Variants in BTBD10 observed in about 807,000 individuals in gnomAD.
BTBD10 encodes the protein BTB/POZ domain-containing protein 10.
A neutral mutation model predicts 53.2 loss-of-function variants in BTBD10; 21 were observed. That is an observed-to-expected ratio of 0.39 (90% confidence interval 0.28 to 0.57). The LOEUF (loss-of-function observed/expected upper bound fraction) is 0.57. BTBD10 is among the 20% of genes least tolerant of loss of function. The pLI is 0.53. For synonymous variants in BTBD10, 149 were observed against 192.7 expected, an observed-to-expected ratio of 0.77 and a Z score of 1.88; for missense variants, 360 against 594.7, an observed-to-expected ratio of 0.61 and a Z score of 4.10.
rs144327040 is a variant in BTBD10, at chr11:13,440,920, T to A, written c.101+4104A>T. Among the ~76,000 whole-genome samples the A allele has an allele frequency of 8.5e-5, 13 of 152,304 alleles. No homozygotes were observed. In the East Asian group the frequency reaches 2.3e-3, roughly 27 times the overall value. On this transcript the variant is annotated intron_variant, in intron 2 of 8. Coordinates refer to ENST00000278174, the MANE Select transcript of BTBD10 (RefSeq NM_032320.7). ...AAATAGCAAAAGCTCCTCTAATTCA[T>A]AATTTAAAAAGAAGTTGTCACAAAT...
chr11:13,434,879 G>C (rs1308796738), intron 2 of BTBD10, among the ~76,000 whole-genome samples: 1 of 152,134 alleles, frequency 6.6e-6, no homozygotes, highest in Admixed American at 6.5e-5. Flanking sequence ...AAATGTAGGA[G>C]GTGAGAGAAA....
chr11:13,392,515 C>T (rs991566306), intron 8 of BTBD10, among the ~76,000 whole-genome samples: 3 of 151,924 alleles, frequency 2.0e-5, no homozygotes, highest in African/African-American at 7.3e-5. Context: ...AAATTCTACT[C>T]TTTAATAAAG....
chr11:13,411,239 C>T (rs1316227871), intron 6 of BTBD10, among the ~76,000 whole-genome samples: 1 of 152,134 alleles, frequency 6.6e-6, no homozygotes, highest in Non-Finnish European at 1.5e-5. Flanking sequence ...TAGTTTAATG[C>T]CACAAACTGA....
At chr11:13,441,050 T>G (rs550565912) in intron 2 of BTBD10, among the ~76,000 whole-genome samples, 5 of 152,268 alleles carry the variant, frequency 3.3e-5, no homozygotes, top group African/African-American at 9.6e-5. Context: ...CAACTCTATA[T>G]ATAACTATAC....
intron 1 of BTBD10, among the ~76,000 whole-genome samples, chr11:13,451,585 C>T (rs1203420101): frequency 6.6e-6 from 1 of 152,172 alleles, no homozygotes; most frequent in African/African-American, 2.4e-5. Flanking sequence ...CTGCTATACA[C>T]TTCAGGGGAA....
At position 13,421,829 on chromosome 11, in the gene BTBD10, C is replaced by T. The variant is rs139058724; in HGVS notation, c.111G>A (p.Ser37=). 54 of 1,605,394 alleles carry T rather than the reference C, an allele frequency of 3.4e-5. No homozygotes were observed. Among genetic ancestry groups the T allele is most frequent in the Middle Eastern group, 1.7e-4 (1 of 6,052 alleles). ...GGTCAACTCCTCCTTTAGCAATACG[C>T]GAGGAAGTACTGATAAGTTAGAAAG... is the stretch of plus-strand genomic sequence containing the variant. ...RKLYKHSSTS[S]RIAKGGVDHT... Residue 37 remains serine, a synonymous_variant, in exon 3 of 9, where the codon TCG becomes TCA. Transcript: ENST00000278174.
chr11:13,393,581 C>T (rs1011389872), intron 8 of BTBD10, among the ~76,000 whole-genome samples: 2 of 151,658 alleles, frequency 1.3e-5, no homozygotes, highest in African/African-American at 2.4e-5. Flanking sequence ...AAAGAAAATA[C>T]GGCTATTGGT....
At chr11:13,413,290 G>A (rs1289497369) in intron 6 of BTBD10, among the ~76,000 whole-genome samples, 1 of 152,096 alleles carries the variant, frequency 6.6e-6, no homozygotes, top group Admixed American at 6.5e-5. Flanking sequence ...AACTGTCTAG[G>A]AGGAAATCTG....
At chr11:13,437,109 C>T (rs1950557446) in intron 2 of BTBD10, among the ~76,000 whole-genome samples, 1 of 152,196 alleles carries the variant, frequency 6.6e-6, no homozygotes, top group South Asian at 2.1e-4. Flanking sequence ...TTCTTAGTTC[C>T]TTAAACTGGC....
Position 13,388,784 on chromosome 11 carries a change from A to T in BTBD10, c.*47T>A, listed in dbSNP as rs879244197. ...TGCAGTGCAGAATGAGGAGAGTACA[A>T]CGTCACTGTGAAGAGTAGCATGCTA... On this transcript the variant is annotated 3_prime_UTR_variant, in exon 9 of 9. Coordinates refer to ENST00000278174, the MANE Select transcript of BTBD10 (RefSeq NM_032320.7). The T allele has an allele frequency of 6.4e-7, 1 of 1,557,426 alleles. No individual in the cohort carries two copies. Among genetic ancestry groups the T allele is most frequent in the Middle Eastern group, 1.7e-4 (1 of 5,864 alleles).
chr11:13,427,890 TAAATC>T lies in BTBD10; in HGVS notation c.102-6057_102-6053del, dbSNP rs1565254433. On this transcript the variant is annotated intron_variant, in intron 2 of 8. Coordinates refer to ENST00000278174, the MANE Select transcript of BTBD10 (RefSeq NM_032320.7). The stretch of plus-strand genomic sequence containing the variant: ...CCTAAACAACTTACAGAGCAATAAA[TAAATC>T]AAAAAGGAAATTAGAAAAGTTTGAA... Among the ~76,000 whole-genome samples the T allele has an allele frequency of 3.3e-5, 5 of 151,754 alleles. No homozygotes were observed. The South Asian group carries it at 8.3e-4, about 25-fold the overall frequency.
At chr11:13,402,517 C>A (rs1356745552) in intron 8 of BTBD10, among the ~76,000 whole-genome samples, 1 of 152,142 alleles carries the variant, frequency 6.6e-6, no homozygotes, top group Non-Finnish European at 1.5e-5. Context: ...AGTAATCTGG[C>A]TCCAAAGCTT....
At chr11:13,390,360 T>G (rs926925379) in intron 8 of BTBD10, among the ~76,000 whole-genome samples, 1 of 151,998 alleles carries the variant, frequency 6.6e-6, no homozygotes, top group Non-Finnish European at 1.5e-5. Flanking sequence ...TTCTTTTTTT[T>G]TTTTGGAGAT....
At chr11:13,423,083 A>C (rs1950273508) in intron 2 of BTBD10, among the ~76,000 whole-genome samples, 1 of 152,228 alleles carries the variant, frequency 6.6e-6, no homozygotes. Context: ...AGTAGCCACT[A>C]GTGTATCACT....
chr11:13,437,229 T>A (rs961340780), intron 2 of BTBD10, among the ~76,000 whole-genome samples: 1 of 152,218 alleles, frequency 6.6e-6, no homozygotes, highest in African/African-American at 2.4e-5. Context: ...GAAATGGATT[T>A]TTTAGGGGAG....
At chr11:13,437,923 T>G (rs1176161417) in intron 2 of BTBD10, among the ~76,000 whole-genome samples, 1 of 152,126 alleles carries the variant, frequency 6.6e-6, no homozygotes, top group Non-Finnish European at 1.5e-5. Context: ...TTATAAGATG[T>G]TTTAAATGGC....
chr11:13,454,710 T>A (rs927787549), intron 1 of BTBD10, among the ~76,000 whole-genome samples: 3 of 151,566 alleles, frequency 2.0e-5, no homozygotes, highest in Admixed American at 6.6e-5. Context: ...ATAAATTAAA[T>A]AAAAATTTTA....
chr11:13,442,965 A>T lies in BTBD10; in HGVS notation c.101+2059T>A, dbSNP rs527666597. ...TTTTCCATGAATGAGGCTAAAATAA[A>T]CTCATTTAACAGACTTCATAGTCTT... On this transcript the variant is annotated intron_variant, in intron 2 of 8. Coordinates refer to ENST00000278174, the MANE Select transcript of BTBD10 (RefSeq NM_032320.7). 3.9e-5 allele frequency among the ~76,000 whole-genome samples: 6 copies of T among 152,202 alleles called. No homozygotes were observed. In the East Asian group the frequency reaches 1.2e-3, roughly 29 times the overall value.
chr11:13,404,928 C>T (rs2135772179), intron 7 of BTBD10, among the ~76,000 whole-genome samples: 1 of 152,228 alleles, frequency 6.6e-6, no homozygotes, highest in South Asian at 2.1e-4. Context: ...AACCCTAATC[C>T]TTACCAAGTC....
Sources: allele counts gnomAD v4.1 joint callset (sites outside exome capture counted in the v4.1 genomes callset), GRCh38; gene constraint gnomAD v4.1.1; transcripts MANE v1.5; gene names NCBI Gene and HGNC (gene_info 2026-07-23, HGNC 2026-07-21).